Variants in MAP2K3 observed in about 807,000 individuals in gnomAD.
The protein encoded by MAP2K3 is mitogen-activated protein kinase kinase 3, also known as dual specificity mitogen-activated protein kinase kinase 3.
A neutral mutation model predicts 46.4 loss-of-function variants in MAP2K3; 30 were observed. That is an observed-to-expected ratio of 0.65 (90% CI 0.48 to 0.88). The LOEUF is 0.88. MAP2K3 is among the 40% of genes least tolerant of loss of function. The pLI, the probability that MAP2K3 is intolerant of heterozygous loss-of-function variation, is 0.00. For missense variants in MAP2K3, 380 were observed against 464.5 expected, an observed-to-expected ratio of 0.82 and a Z score of 1.67; for synonymous variants, 189 against 176.3, an observed-to-expected ratio of 1.07 and a Z score of -0.57.
In MAP2K3 at chr17:21,304,457, G is replaced by A. The variant is rs1270199482; in HGVS notation, c.600G>A (p.Lys200=). The change falls in exon 8 of 12, where the codon AAG becomes AAA. Residue 200 remains lysine (K), a synonymous_variant. Coordinates refer to ENST00000342679, the MANE Select transcript of MAP2K3 (RefSeq NM_145109.3). ...AGCCCTCCAATGTCCTTATCAACAA[G>A]GAGGGCCATGTGAAGATGTGTGACT... ...DVKPSNVLIN[K]EGHVKMCDFG... is the part of the protein sequence containing the mutation. 2 of 1,614,202 alleles carry A rather than the reference G, an allele frequency of 1.2e-6. No individual in the cohort carries two copies. Among genetic ancestry groups the A allele is most frequent in the South Asian group, 1.1e-5 (1 of 91,096 alleles).
At chr17:21,297,208 CTG>C (rs1976306094) in intron 1 of MAP2K3, among the ~76,000 whole-genome samples, 2 of 152,310 alleles carry the variant, frequency 1.3e-5, no homozygotes, top group Admixed American at 1.3e-4. Context: ...GGCCACAAGT[CTG>C]TGTTGCACCG....
intron 1 of MAP2K3, among the ~76,000 whole-genome samples, chr17:21,286,965 A>G (rs1176234544): frequency 1.3e-5 from 2 of 152,232 alleles, no homozygotes; most frequent in African/African-American, 4.8e-5. Flanking sequence ...TCCATGTGCC[A>G]TGCATTTTCT....
intron 3 of MAP2K3, among the ~76,000 whole-genome samples, chr17:21,299,145 C>G (rs1034552899): frequency 2.0e-5 from 3 of 152,312 alleles, no homozygotes; most frequent in Non-Finnish European, 4.4e-5. Flanking sequence ...CTGACTGGAG[C>G]TTGGCGAGCC....
chr17:21,298,905 C>A lies in MAP2K3; in HGVS notation c.144C>A (p.Thr48=), dbSNP rs1425926440. 5.6e-6 allele frequency: 9 copies of A among 1,614,308 alleles called. No homozygotes were observed. The highest frequency in any genetic ancestry group is 7.6e-6 in the Non-Finnish European group (9 of 1,180,056). Residue 48 remains threonine (T), a synonymous_variant, in exon 3 of 12, where the codon ACC becomes ACA. Coordinates refer to ENST00000342679, the MANE Select transcript of MAP2K3 (RefSeq NM_145109.3). ...CCCCCCGGAACCTGGACTCCCGGAC[C>A]TTCATCACCATTGGAGACAGAGTAG... The part of the protein sequence containing the change: ...PTPPRNLDSR[T]FITIGDRNFE...
At chr17:21,302,058 T>C in intron 5 of MAP2K3, 85 bp from the exon 6 acceptor site, 1 of 1,354,484 alleles carries the variant, frequency 7.4e-7, no homozygotes, top group Non-Finnish European at 1.1e-6. Flanking sequence ...GGGCTGGGGC[T>C]GGGGCTGGTG....
At chr17:21,307,845 C>CTTTTT (rs35690616) in intron 9 of MAP2K3, among the ~76,000 whole-genome samples, 8 of 104,800 alleles carry the variant, frequency 7.6e-5, no homozygotes, top group Non-Finnish European at 1.3e-4. Flanking sequence ...GCCCGGCTAT[C>CTTTTT]TTTTTTTTTT....
At chr17:21,295,662 G>A in intron 1 of MAP2K3, 1 of 1,289,460 alleles carries the variant, frequency 7.8e-7, no homozygotes, top group Non-Finnish European at 1.0e-6. Context: ...TGCAGGCTTG[G>A]TGTCCCCAAC....
chr17:21,298,616 G>T (rs1976404038), intron 2 of MAP2K3, 137 bp downstream of exon 2: 1 of 1,411,836 alleles, frequency 7.1e-7, no homozygotes, highest in Non-Finnish European at 1.0e-6. Context: ...TGTGCATACA[G>T]CCAGGTGACG....
chr17:21,285,274 T>C (rs1183735483), intron 1 of MAP2K3: 1 of 985,234 alleles, frequency 1.0e-6, no homozygotes, highest in Admixed American at 6.1e-5. Flanking sequence ...TTGGGCCTTA[T>C]GGCTGCAGCC....
At position 21,284,783 on chromosome 17, in the gene MAP2K3, C is replaced by T; in HGVS notation, c.-138C>T. 1.4e-6 allele frequency: 1 copy of T among 735,196 alleles called. No homozygotes were observed. Among genetic ancestry groups the T allele is most frequent in the Non-Finnish European group, 2.0e-6 (1 of 508,126 alleles). 45.5% of individuals were successfully genotyped at this position (735,196 alleles called of 1,614,324 possible). A position where few individuals can be genotyped will look rare whatever the true frequency, so the allele number is the denominator to read the frequency against. Reference sequence around the variant, plus strand: ...GCCGCCGCAGTCCTCGCCGCAGTCGCCGCCGCCGCCGCCGCCGCCGCCGCT... The same window carrying T: ...GCCGCCGCAGTCCTCGCCGCAGTCGTCGCCGCCGCCGCCGCCGCCGCCGCT... On this transcript the variant is annotated 5_prime_UTR_variant, in exon 1 of 12. Coordinates refer to ENST00000342679, the MANE Select transcript of MAP2K3 (RefSeq NM_145109.3).
intron 9 of MAP2K3, among the ~76,000 whole-genome samples, chr17:21,310,852 T>A (rs575976645): frequency 6.6e-6 from 1 of 152,254 alleles, no homozygotes; most frequent in Non-Finnish European, 1.5e-5. Flanking sequence ...TTGTTTTTCA[T>A]TTTTTGAGCT....
intron 7 of MAP2K3, among the ~76,000 whole-genome samples, 178 bp from the exon 8 acceptor site, chr17:21,304,248 T>C (rs907852150): frequency 6.6e-5 from 10 of 152,308 alleles, no homozygotes; most frequent in Non-Finnish European, 1.2e-4. Flanking sequence ...CCGGCACCTC[T>C]TGCAGCCTCA....
chr17:21,314,508 G>A lies in MAP2K3; in HGVS notation c.*278G>A, dbSNP rs1364542979. 53 of 467,014 alleles carry A rather than the reference G, an allele frequency of 1.1e-4. No homozygotes were observed. The highest frequency in any genetic ancestry group is 3.9e-4 in the Admixed American group (11 of 27,890). The allele number at this position is 467,014 out of a possible 1,614,324, so 28.9% of individuals were successfully genotyped here. A position where few individuals can be genotyped will look rare whatever the true frequency, so the allele number is the denominator to read the frequency against. ...CAGCTGCTGAGATCCTGGACTGAGG[G>A]GGCCTGGATGCCCCCTGTGGATGCT... On this transcript the variant is annotated 3_prime_UTR_variant, in exon 12 of 12. Transcript: ENST00000342679.
At chr17:21,288,017 C>T (rs1360224682) in intron 1 of MAP2K3, 2 of 1,289,114 alleles carry the variant, frequency 1.6e-6, no homozygotes, top group Admixed American at 2.3e-5. Flanking sequence ...CAACCCATGG[C>T]CCAGCGCCCA....
At chr17:21,295,287 C>T (rs1208255656) in intron 1 of MAP2K3, among the ~76,000 whole-genome samples, 1 of 152,312 alleles carries the variant, frequency 6.6e-6, no homozygotes, top group Non-Finnish European at 1.5e-5. Flanking sequence ...CTGGGGGTGC[C>T]TCTCTTTACC....
chr17:21,295,241 C>T (rs1056129929), intron 1 of MAP2K3, among the ~76,000 whole-genome samples: 2 of 152,310 alleles, frequency 1.3e-5, no homozygotes, highest in Non-Finnish European at 2.9e-5. Context: ...GGAGATAGGG[C>T]AGAGCTGCCA....
chr17:21,286,617 A>G (rs1426199577), intron 1 of MAP2K3, among the ~76,000 whole-genome samples: 2 of 152,118 alleles, frequency 1.3e-5, no homozygotes, highest in Non-Finnish European at 2.9e-5. Flanking sequence ...GAAATCAGAC[A>G]CTTCTCCACT....
At chr17:21,301,947 G>C (rs1325316396) in intron 5 of MAP2K3, among the ~76,000 whole-genome samples, 196 bp from the exon 6 acceptor site, 1 of 152,312 alleles carries the variant, frequency 6.6e-6, no homozygotes, top group African/African-American at 2.4e-5. Context: ...GCCCGAACCT[G>C]GCAGTGCAGG....
At chr17:21,286,457 G>A (rs1427161909) in intron 1 of MAP2K3, among the ~76,000 whole-genome samples, 1 of 152,248 alleles carries the variant, frequency 6.6e-6, no homozygotes, top group African/African-American at 2.4e-5. Context: ...GGCTGGAGCC[G>A]GGTGGGCTGG....
Sources: allele counts gnomAD v4.1 joint callset (sites outside exome capture counted in the v4.1 genomes callset), GRCh38; gene constraint gnomAD v4.1.1; transcripts MANE v1.5; gene names NCBI Gene and HGNC (gene_info 2026-07-23, HGNC 2026-07-21).